The following MLYCD variants were observed in gnomAD, a reference collection of about 807,000 sequenced individuals.
MLYCD encodes the protein malonyl-CoA decarboxylase, mitochondrial.
MLYCD carries 27 observed loss-of-function variants against 35.8 expected under a neutral mutation model. The ratio of observed to expected loss-of-function variants is 0.75; its 90% CI spans 0.56 to 1.04. MLYCD has a LOEUF of 1.04. Among genes scored for constraint, MLYCD ranks in the 50% least tolerant of loss-of-function variants. The probability of loss-of-function intolerance (pLI) is 0.00; values close to 1 mark genes in which losing one functional copy is unlikely to be tolerated. For synonymous variants in MLYCD, 403 were observed against 302.4 expected (o/e 1.33, Z -3.45); for missense variants, 917 against 665.1 (o/e 1.38, Z -4.17).
rs1440583341 is a variant in MLYCD, at chr16:83,899,620, C to T, written c.476C>T (p.Ala159Val). 6.4e-7 allele frequency: 1 copy of T among 1,571,096 alleles called. No individual in the cohort carries two copies. Among genetic ancestry groups the T allele is most frequent in the African/African-American group, 1.4e-5 (1 of 73,894 alleles). Reference protein sequence around the residue: ...GGVRFLVQLRADLLEAQALKL... With the variant: ...GGVRFLVQLRVDLLEAQALKL... ...GTGCGCTTCCTGGTGCAGCTGCGGG[C>T]CGACCTGCTGGAGGCGCAGGCCCTC... Residue 159 changes from alanine (A) to valine (V), a missense_variant, in exon 1 of 5, where the codon GCC becomes GTC. Transcript: ENST00000262430.
At position 83,919,663 on chromosome 16, in the gene MLYCD, A is replaced by G. The variant is rs1158198953; in HGVS notation, c.*4174A>G. On this transcript the variant is annotated 3_prime_UTR_variant, in exon 5 of 5. Transcript: ENST00000262430. The stretch of plus-strand genomic sequence containing the variant: ...CGATGCACGGAACACGGTGATCAGA[A>G]CACGGTTCACAGGAGAACACACAGT... 1 of 149,886 alleles carries G rather than the reference A, an allele frequency of 6.7e-6. No individual in the cohort carries two copies. The highest frequency in any genetic ancestry group is 2.5e-5 in the African/African-American group (1 of 39,842). The allele number at this position is 149,886 out of a possible 1,614,324, so 9.3% of individuals were successfully genotyped here.
intron 3 of MLYCD, among the ~76,000 whole-genome samples, chr16:83,908,783 C>T (rs1341082034): frequency 6.6e-6 from 1 of 152,190 alleles, no homozygotes; most frequent in Non-Finnish European, 1.5e-5. Flanking sequence ...GCAAGCTGCT[C>T]TGCTCCTGGA....
intron 3 of MLYCD, among the ~76,000 whole-genome samples, chr16:83,910,989 T>G (rs1907157866): frequency 6.6e-6 from 1 of 152,138 alleles, no homozygotes; most frequent in Admixed American, 6.5e-5. Flanking sequence ...CTTTTTTTCT[T>G]TTTTTTGAGA....
rs1361458425 is a variant in MLYCD at position 83,912,471 on chromosome 16, G to C, written c.948+104G>C. On this transcript the variant is annotated intron_variant, in intron 4 of 4. Transcript: ENST00000262430. ...CCATGAGGGACACAGATGAAGACAG[G>C]AGCTAAAGGGAGGGGCAGGGGGTAG... 5.1e-5 allele frequency: 75 copies of C among 1,482,106 alleles called. 1 individual carries two copies. Among genetic ancestry groups the C allele is most frequent in the Non-Finnish European group, 6.5e-5 (70 of 1,077,008 alleles). The allele number at this position is 1,482,106 out of a possible 1,614,324, so 91.8% of individuals were successfully genotyped here.
In MLYCD at chr16:83,918,826, C is replaced by G. The variant is rs1051722872; in HGVS notation, c.*3337C>G. On this transcript the variant is annotated 3_prime_UTR_variant, in exon 5 of 5. Transcript: ENST00000262430. ...ACACACAGTGCACAGAACACAGACA[C>G]AGTACACAGGAGAACACGCACACAC... 6.9e-5 allele frequency: 10 copies of G among 144,896 alleles called. No individual in the cohort carries two copies. The highest frequency in any genetic ancestry group is 2.6e-4 in the African/African-American group (10 of 38,190). 9.0% of individuals were successfully genotyped at this position (144,896 alleles called of 1,614,324 possible). A position where few individuals can be genotyped will look rare whatever the true frequency, so the allele number is the denominator to read the frequency against.
rs552057731 is a variant in MLYCD at position 83,920,264 on chromosome 16, A to T, written c.*4775A>T. 9.6e-4 allele frequency: 146 copies of T among 152,228 alleles called. 1 individual carries two copies. The highest frequency in any genetic ancestry group is 3.4e-3 in the African/African-American group (140 of 41,534). 9.4% of individuals were successfully genotyped at this position (152,228 alleles called of 1,614,324 possible). On this transcript the variant is annotated 3_prime_UTR_variant, in exon 5 of 5. Coordinates refer to ENST00000262430, the MANE Select transcript of MLYCD (RefSeq NM_012213.3). Reference sequence around the variant, plus strand: ...CCCATTCTGTTTGCGATAAAAACAGATCTCCTCCAGCTCACGTGAGGCTAG... The same window carrying T: ...CCCATTCTGTTTGCGATAAAAACAGTTCTCCTCCAGCTCACGTGAGGCTAG...
At chr16:83,900,818 G>C (rs1733986728) in intron 1 of MLYCD, among the ~76,000 whole-genome samples, 1 of 152,088 alleles carries the variant, frequency 6.6e-6, no homozygotes, top group Admixed American at 6.5e-5. Context: ...AGTCTTACGT[G>C]GGTGATAACA....
chr16:83,899,538 G>T lies in MLYCD; in HGVS notation c.394G>T (p.Ala132Ser), dbSNP rs775855312. The part of the protein sequence containing the change: ...LLQAEDRLRY[A>S]LVPRYRGLFH... Reference sequence around the variant, plus strand: ...GCAGGCCGAGGACCGGCTGCGCTACGCGCTGGTGCCGCGCTATCGCGGCCT... The same window carrying T: ...GCAGGCCGAGGACCGGCTGCGCTACTCGCTGGTGCCGCGCTATCGCGGCCT... Residue 132 changes from alanine (A) to serine (S), a missense_variant, in exon 1 of 5, where the codon GCG becomes TCG. Coordinates refer to ENST00000262430, the MANE Select transcript of MLYCD (RefSeq NM_012213.3). 1.6e-5 allele frequency: 25 copies of T among 1,591,044 alleles called. No individual in the cohort carries two copies. Among genetic ancestry groups the T allele is most frequent in the Non-Finnish European group, 2.1e-5 (25 of 1,176,984 alleles).
Position 83,917,955 on chromosome 16 carries a change from G to A in MLYCD, c.*2466G>A, listed in dbSNP as rs1907484570. 6.6e-6 allele frequency: 1 copy of A among 152,208 alleles called. No homozygotes were observed. Among genetic ancestry groups the A allele is most frequent in the Admixed American group, 6.5e-5 (1 of 15,276 alleles). The allele number at this position is 152,208 out of a possible 1,614,324, so 9.4% of individuals were successfully genotyped here. A position where few individuals can be genotyped will look rare whatever the true frequency, so the allele number is the denominator to read the frequency against. ...GAATTCCCGCTGCACAGGCCGCTGG[G>A]AGGACGGGCTCAGGTGACATCTGCC... On this transcript the variant is annotated 3_prime_UTR_variant, in exon 5 of 5. Coordinates refer to ENST00000262430, the MANE Select transcript of MLYCD (RefSeq NM_012213.3).
At chr16:83,908,320 C>G in intron 3 of MLYCD, 38 bp downstream of exon 3, 1 of 1,608,108 alleles carries the variant, frequency 6.2e-7, no homozygotes, top group East Asian at 2.2e-5. Context: ...GATGGGCACC[C>G]CATAGAGCCC....
At chr16:83,908,865 G>C (rs1907074370) in intron 3 of MLYCD, among the ~76,000 whole-genome samples, 1 of 152,224 alleles carries the variant, frequency 6.6e-6, no homozygotes, top group Non-Finnish European at 1.5e-5. Flanking sequence ...GCACATTGCA[G>C]GGTCTGGAAA....
rs1048665814 is a variant in MLYCD, at chr16:83,919,441, C to CACACAGTGCACAGGAGA, written c.*3975_*3991dup. On this transcript the variant is annotated 3_prime_UTR_variant, in exon 5 of 5. Transcript: ENST00000262430. ...TGCACAGCACACAGGAGAACATGCA[C>CACACAGTGCACAGGAGA]ACACAGTGCACAGGAGAACACAGTG... 3.4e-5 allele frequency: 5 copies of CACACAGTGCACAGGAGA among 147,938 alleles called. No individual in the cohort carries two copies. Among genetic ancestry groups the CACACAGTGCACAGGAGA allele is most frequent in the African/African-American group, 1.3e-4 (5 of 39,250 alleles). 9.2% of individuals were successfully genotyped at this position (147,938 alleles called of 1,614,324 possible).
intron 3 of MLYCD, among the ~76,000 whole-genome samples, chr16:83,908,590 G>C (rs1907063906): frequency 2.0e-5 from 3 of 152,214 alleles, no homozygotes; most frequent in African/African-American, 7.2e-5. Flanking sequence ...AGGAAGAAGG[G>C]ACAGATACCT....
At chr16:83,903,434 C>T (rs1034710165) in intron 1 of MLYCD, among the ~76,000 whole-genome samples, 7 of 152,122 alleles carry the variant, frequency 4.6e-5, no homozygotes, top group African/African-American at 1.7e-4. Context: ...TGGGAATTTT[C>T]CCCAAATTTC....
chr16:83,915,841 G>A lies in MLYCD; in HGVS notation c.*352G>A. The A allele has an allele frequency of 8.2e-7, 1 of 1,217,404 alleles. No homozygotes were observed. The highest frequency in any genetic ancestry group is 4.8e-5 in the East Asian group (1 of 20,830). 75.4% of individuals were successfully genotyped at this position (1,217,404 alleles called of 1,614,324 possible). On this transcript the variant is annotated 3_prime_UTR_variant, in exon 5 of 5. Transcript: ENST00000262430. ...GCCTCTGCCATTGCCATCCCAGGGG[G>A]ATCTGGCATCCTCCTAAGGACCGGG...
At position 83,924,669 on chromosome 16, in the gene MLYCD, T is replaced by C. The variant is rs1907752667; in HGVS notation, c.*9180T>C. The stretch of plus-strand genomic sequence containing the variant: ...AAGACCAGAGAGCTGCCTTCAAAGA[T>C]GCCAGAGCCATGTTTATTTAAGCGG... On this transcript the variant is annotated 3_prime_UTR_variant, in exon 5 of 5. Transcript: ENST00000262430. 1.3e-5 allele frequency: 2 copies of C among 152,194 alleles called. No individual in the cohort carries two copies. Among genetic ancestry groups the C allele is most frequent in the Non-Finnish European group, 2.9e-5 (2 of 68,030 alleles). 9.4% of individuals were successfully genotyped at this position (152,194 alleles called of 1,614,324 possible).
intron 3 of MLYCD, among the ~76,000 whole-genome samples, chr16:83,911,271 C>T (rs1208880782): frequency 1.3e-5 from 2 of 152,246 alleles, no homozygotes; most frequent in Non-Finnish European, 2.9e-5. Context: ...AGCCACCGCG[C>T]CCGGCCTCCA....
Position 83,900,308 on chromosome 16 carries a change from T to C in MLYCD, c.528+636T>C, listed in dbSNP as rs1195284467. Among the ~76,000 whole-genome samples the C allele has an allele frequency of 4.6e-5, 7 of 152,316 alleles. No individual in the cohort carries two copies. In the East Asian group the frequency reaches 1.3e-3, roughly 29 times the overall value. The stretch of plus-strand genomic sequence containing the variant: ...GGTAATCAGGCATTAGCACAGTTCA[T>C]TCATGTTAAATGCAGACACATACTT... On this transcript the variant is annotated intron_variant, in intron 1 of 4. Transcript: ENST00000262430.
In MLYCD at chr16:83,912,348, G is replaced by C. The variant is rs146465073; in HGVS notation, c.929G>C (p.Arg310Pro). ...GVELGTFLIK[R>P]VVKELQREFP... ...GAGCTGGGAACATTCCTCATAAAGC[G>C]AGTCGTCAAGGAGTTGCAGGTAAGC... The change falls in exon 4 of 5, where the codon CGA becomes CCA. Residue 310 changes from arginine (R) to proline (P), a missense_variant. Arg to Pro is a moderately radical substitution (Grantham distance 103, BLOSUM62 -2). Coordinates refer to ENST00000262430, the MANE Select transcript of MLYCD (RefSeq NM_012213.3). 1.6e-5 allele frequency: 26 copies of C among 1,614,164 alleles called. No individual in the cohort carries two copies. Among genetic ancestry groups the C allele is most frequent in the South Asian group, 2.2e-5 (2 of 91,082 alleles).
Sources: allele counts gnomAD v4.1 joint callset (sites outside exome capture counted in the v4.1 genomes callset), GRCh38; gene constraint gnomAD v4.1.1; transcripts MANE v1.5; gene names NCBI Gene and HGNC (gene_info 2026-07-23, HGNC 2026-07-21).